SLC25A37: variants seen among roughly 807,000 people sequenced by gnomAD.
The protein encoded by SLC25A37 is solute carrier family 25 member 37.
Under a neutral mutation model 31.0 loss-of-function variants are expected in SLC25A37, and 17 were observed. The observed-to-expected ratio is 0.55, with a 90% CI of 0.38 to 0.82. The LOEUF (loss-of-function observed/expected upper bound fraction) is 0.82, where lower values mean the gene tolerates loss of function less well. Ranked by LOEUF, SLC25A37 falls within the 40% of genes least tolerant of loss-of-function variation. SLC25A37 has a pLI of 0.00. For missense variants in SLC25A37, 404 were observed against 465.8 expected, an observed-to-expected ratio of 0.87 and a Z score of 1.22; for synonymous variants, 222 against 193.0, an observed-to-expected ratio of 1.15 and a Z score of -1.24.
rs1802909441 is a variant in SLC25A37, at chr8:23,573,281, T to C, written c.*1426T>C. On this transcript the variant is annotated 3_prime_UTR_variant, in exon 4 of 4. Transcript: ENST00000519973. ...GAACACAGGCTTCGCAGCCTCGCTTTCTGAAATGGTGTGTGCCGAGTCAGA... is the reference window on the plus strand; with the variant it reads ...GAACACAGGCTTCGCAGCCTCGCTTCCTGAAATGGTGTGTGCCGAGTCAGA... 6.5e-6 allele frequency: 1 copy of C among 152,770 alleles called. No individual in the cohort carries two copies. The highest frequency in any genetic ancestry group is 2.4e-5 in the African/African-American group (1 of 41,458). 9.5% of individuals were successfully genotyped at this position (152,770 alleles called of 1,614,324 possible).
At chr8:23,552,602 G>C (rs772671914) in intron 1 of SLC25A37, among the ~76,000 whole-genome samples, 69 of 152,248 alleles carry the variant, frequency 4.5e-4, no homozygotes, top group Middle Eastern at 3.4e-3. Context: ...TTTATTGACT[G>C]TTTGACGCCC....
rs751225509 is a variant in SLC25A37 at position 23,529,081 on chromosome 8, G to C, written c.79G>C (p.Gly27Arg). The C allele has an allele frequency of 6.2e-6, 10 of 1,600,288 alleles. No individual in the cohort carries two copies. The highest frequency in any genetic ancestry group is 7.7e-6 in the Non-Finnish European group (9 of 1,174,572). The change falls in exon 1 of 4, where the codon GGC (glycine) becomes CGC (arginine). Residue 27 changes from glycine (G) to arginine (R), a missense_variant. By Grantham distance (125) the Gly-to-Arg change is moderately radical (BLOSUM62 -2). Coordinates refer to ENST00000519973, the MANE Select transcript of SLC25A37 (RefSeq NM_016612.4). This position sits in a 1 kb window ranked among gnomAD's most constrained non-coding sequence, Gnocchi z 4.1. Reference sequence around the variant, plus strand: ...TGGGGACAGCCGAGATGGCGGCGGCGGCAAGGACGCCACCGGGTCGGAGGA... The same window carrying C: ...TGGGGACAGCCGAGATGGCGGCGGCCGCAAGGACGCCACCGGGTCGGAGGA... ...MDGDSRDGGG[G>R]KDATGSEDYE...
chr8:23,547,625 T>A (rs896259709), intron 1 of SLC25A37, among the ~76,000 whole-genome samples: 7 of 152,226 alleles, frequency 4.6e-5, no homozygotes, highest in African/African-American at 1.7e-4. Flanking sequence ...ACTTTTGCTT[T>A]GCAGCGGAAG....
chr8:23,568,498 G>A (rs1293223347), intron 3 of SLC25A37, 120 bp downstream of exon 3: 3 of 1,083,654 alleles, frequency 2.8e-6, no homozygotes, highest in Non-Finnish European at 4.2e-6. Context: ...TCCAGTCAGA[G>A]CAGACAGGAG....
In SLC25A37 at chr8:23,557,797, G is replaced by C. The variant is rs756875359; in HGVS notation, c.211-8311G>C. Among the ~76,000 whole-genome samples, 50 of 152,354 alleles carry C rather than the reference G, an allele frequency of 3.3e-4. 1 individual carries two copies. The highest frequency in any genetic ancestry group is 7.8e-4 in the Admixed American group (12 of 15,304). ...TGAATGTCAGTGCTAGCTGGGGACA[G>C]TTGACAGACAAGAGAAAACACTGGT... On this transcript the variant is annotated intron_variant, in intron 1 of 3. Transcript: ENST00000519973.
intron 1 of SLC25A37, among the ~76,000 whole-genome samples, chr8:23,546,501 A>AGG (rs199914549): frequency 8.8e-6 from 1 of 113,806 alleles, no homozygotes; most frequent in East Asian, 3.2e-4. Flanking sequence ...GTGTGTGTAT[A>AGG]TATATATATA....
intron 1 of SLC25A37, among the ~76,000 whole-genome samples, chr8:23,546,015 A>T (rs973794712): frequency 6.6e-6 from 1 of 152,026 alleles, no homozygotes; most frequent in Admixed American, 6.6e-5. Context: ...GATGCCTATA[A>T]TCTCAGCTAC....
chr8:23,547,348 G>C (rs1402873961), intron 1 of SLC25A37, among the ~76,000 whole-genome samples: 2 of 152,184 alleles, frequency 1.3e-5, no homozygotes, highest in African/African-American at 4.8e-5. Context: ...TCTTTCTGTA[G>C]ATACACACAT....
intron 2 of SLC25A37, chr8:23,567,203 C>G (rs1469274062): frequency 1.3e-5 from 2 of 152,170 alleles, no homozygotes; most frequent in Admixed American, 6.5e-5. Flanking sequence ...ACAATAACTT[C>G]TCCCCCTCTC....
At chr8:23,567,317 C>T (rs1347978140) in intron 2 of SLC25A37, 2 of 152,056 alleles carry the variant, frequency 1.3e-5, no homozygotes, top group African/African-American at 4.8e-5. Flanking sequence ...AAAAATTGGC[C>T]ATTAGTGCAT....
At position 23,549,915 on chromosome 8, in the gene SLC25A37, G is replaced by A. The variant is rs112253587; in HGVS notation, c.211-16193G>A. On this transcript the variant is annotated intron_variant, in intron 1 of 3. Coordinates refer to ENST00000519973, the MANE Select transcript of SLC25A37 (RefSeq NM_016612.4). ...GACAGATCCACAGCAGGCAGAATTT[G>A]AGGAGGACTTAAAATACCTGCTTTG... 6.5e-4 allele frequency among the ~76,000 whole-genome samples: 90 copies of A among 138,632 alleles called. 26 individuals carry two copies. The highest frequency in any genetic ancestry group is 2.7e-3 in the African/African-American group (84 of 31,432). 90.9% of individuals were successfully genotyped at this position (138,632 alleles called of 152,430 possible).
In SLC25A37 at chr8:23,546,820, A is replaced by T. The variant is rs541329477; in HGVS notation, c.210+17608A>T. 6.6e-5 allele frequency among the ~76,000 whole-genome samples: 10 copies of T among 151,028 alleles called. No individual in the cohort carries two copies. The South Asian group carries it at 1.1e-3, about 16-fold the overall frequency. Reference sequence around the variant, plus strand: ...CTCTTAGCTACTTATTTGTTTTTAAATTTTTTTTTCAAATTTTGGAAGGAA... The same window carrying T: ...CTCTTAGCTACTTATTTGTTTTTAATTTTTTTTTTCAAATTTTGGAAGGAA... On this transcript the variant is annotated intron_variant, in intron 1 of 3. Transcript: ENST00000519973.
intron 3 of SLC25A37, 135 bp from the exon 4 acceptor site, chr8:23,571,200 G>C (rs1419935222): frequency 1.9e-6 from 2 of 1,065,936 alleles, no homozygotes; most frequent in South Asian, 3.3e-5. Context: ...GTGTGTGCTG[G>C]CTCTCGCCTG....
At chr8:23,558,038 A>G (rs1802414504) in intron 1 of SLC25A37, among the ~76,000 whole-genome samples, 1 of 152,172 alleles carries the variant, frequency 6.6e-6, no homozygotes, top group African/African-American at 2.4e-5. Flanking sequence ...TTGTATCCCC[A>G]TTGCACCTGG....
intron 1 of SLC25A37, among the ~76,000 whole-genome samples, chr8:23,547,207 TGAGTAGCTC>T (rs970801723): frequency 2.6e-5 from 4 of 152,198 alleles, no homozygotes; most frequent in Non-Finnish European, 5.9e-5. Flanking sequence ...GGATCTCACC[TGAGTAGCTC>T]GAGTGTAAGG....
chr8:23,549,483 C>G (rs1802165174), intron 1 of SLC25A37, among the ~76,000 whole-genome samples: 1 of 152,162 alleles, frequency 6.6e-6, no homozygotes, highest in Non-Finnish European at 1.5e-5. Flanking sequence ...TACCTATTGT[C>G]TAGCATAAAT....
intron 1 of SLC25A37, among the ~76,000 whole-genome samples, chr8:23,551,582 G>GAA (rs60130811): frequency 1.4e-5 from 2 of 141,548 alleles, no homozygotes; most frequent in Non-Finnish European, 3.1e-5. Context: ...TTATCCAAAG[G>GAA]AAAAAAAAAA....
chr8:23,560,678 G>A (rs920166914), intron 1 of SLC25A37, among the ~76,000 whole-genome samples: 25 of 152,184 alleles, frequency 1.6e-4, no homozygotes, highest in African/African-American at 6.0e-4. Flanking sequence ...CCTCTGTCTG[G>A]GGCTTGTGTC....
In SLC25A37 at chr8:23,573,767, G is replaced by C. The variant is rs1203820875; in HGVS notation, c.*1912G>C. 1 of 455,378 alleles carries C rather than the reference G, an allele frequency of 2.2e-6. No individual in the cohort carries two copies. Among genetic ancestry groups the C allele is most frequent in the Non-Finnish European group, 4.4e-6 (1 of 225,886 alleles). 28.2% of individuals were successfully genotyped at this position (455,378 alleles called of 1,614,324 possible). A position where few individuals can be genotyped will look rare whatever the true frequency, so the allele number is the denominator to read the frequency against. On this transcript the variant is annotated 3_prime_UTR_variant, in exon 4 of 4. Coordinates refer to ENST00000519973, the MANE Select transcript of SLC25A37 (RefSeq NM_016612.4). ...GTGAACAGCCCTTTGCAGCTGGGCT[G>C]TGGGGCTTGGCTGCTGCCCTGTCCC...
Sources: gnomAD v4.1 joint callset for allele counts (sites outside exome capture counted in the v4.1 genomes callset) on GRCh38, gnomAD v4.1.1 for gene constraint, Gnocchi (gnomAD v3.1) non-coding constraint, MANE v1.5 for transcripts, NCBI Gene and HGNC (gene_info 2026-07-23, HGNC 2026-07-21) for gene names.